Variants in HERPUD2 observed in about 807,000 individuals in gnomAD.
HERPUD2 encodes the protein homocysteine-responsive endoplasmic reticulum-resident ubiquitin-like domain member 2 protein.
A neutral mutation model predicts 49.9 loss-of-function variants in HERPUD2; 13 were observed. The ratio of observed to expected loss-of-function variants is 0.26; its 90% CI spans 0.17 to 0.41. The LOEUF is 0.41. Among genes scored for constraint, HERPUD2 ranks in the 10% least tolerant of loss-of-function variants. The pLI, the probability that HERPUD2 is intolerant of heterozygous loss-of-function variation, is 1.00. For missense variants in HERPUD2, 449 were observed against 492.2 expected (o/e 0.91, Z 0.83); for synonymous variants, 172 against 171.4 (o/e 1.00, Z -0.03).
intron 5 of HERPUD2, among the ~76,000 whole-genome samples, chr7:35,648,794 C>T (rs1785103320): frequency 6.6e-6 from 1 of 152,176 alleles, no homozygotes. Flanking sequence ...GAAAGAGCTG[C>T]ACCAGTGACT....
intron 2 of HERPUD2, among the ~76,000 whole-genome samples, chr7:35,687,510 G>C (rs1786088592): frequency 6.6e-6 from 1 of 152,220 alleles, no homozygotes; most frequent in Admixed American, 6.5e-5. Flanking sequence ...TGTACTCTGA[G>C]TGGCCCAGAA....
intron 5 of HERPUD2, among the ~76,000 whole-genome samples, chr7:35,660,238 T>TA (rs1189929702): frequency 1.3e-5 from 2 of 152,242 alleles, no homozygotes; most frequent in Non-Finnish European, 2.9e-5. Flanking sequence ...TAGTATTCCA[T>TA]GGTGTATATG....
intron 8 of HERPUD2, 48 bp from the exon 9 acceptor site, chr7:35,633,899 T>G: frequency 6.4e-7 from 1 of 1,554,446 alleles, no homozygotes; most frequent in Non-Finnish European, 8.8e-7. Context: ...TGAACGAGCA[T>G]TAGCTCATAA....
chr7:35,691,900 T>C (rs1032174815), intron 2 of HERPUD2, among the ~76,000 whole-genome samples: 5 of 145,820 alleles, frequency 3.4e-5, no homozygotes, highest in African/African-American at 1.4e-4. Context: ...GAATGTAAAC[T>C]TACTAAATCT....
chr7:35,654,226 A>G (rs1429689023), intron 5 of HERPUD2, among the ~76,000 whole-genome samples: 1 of 152,080 alleles, frequency 6.6e-6, no homozygotes, highest in African/African-American at 2.4e-5. Context: ...AGATCAGGAT[A>G]GACTGAAAAA....
At chr7:35,655,978 T>C (rs1347279646) in intron 5 of HERPUD2, among the ~76,000 whole-genome samples, 5 of 152,020 alleles carry the variant, frequency 3.3e-5, no homozygotes, top group Non-Finnish European at 7.4e-5. Context: ...CTGGCCATAA[T>C]GGTGAAACTC....
At chr7:35,639,535 T>C (rs892967812) in intron 5 of HERPUD2, among the ~76,000 whole-genome samples, 1 of 152,158 alleles carries the variant, frequency 6.6e-6, no homozygotes, top group Non-Finnish European at 1.5e-5. Context: ...AATGTGAGAT[T>C]TGTAGAAAAT....
At chr7:35,682,350 T>C (rs1785926289) in intron 2 of HERPUD2, among the ~76,000 whole-genome samples, 1 of 26,784 alleles carries the variant, frequency 3.7e-5, no homozygotes, top group Non-Finnish European at 8.8e-5. Flanking sequence ...TGTGTGTGTG[T>C]GTGTGTGTAT....
intron 2 of HERPUD2, among the ~76,000 whole-genome samples, chr7:35,692,286 G>T (rs1786210577): frequency 6.7e-6 from 1 of 149,546 alleles, no homozygotes. Flanking sequence ...AGGCAGACAG[G>T]CTTCCCACTC....
intron 5 of HERPUD2, among the ~76,000 whole-genome samples, chr7:35,659,740 A>T (rs6945707): frequency 0.1 from 15,803 of 152,126 alleles, 1,306 homozygotes; most frequent in South Asian, 0.21. Flanking sequence ...AATAAAATAT[A>T]ATTCATCTAG....
chr7:35,647,347 T>G (rs1316936260), intron 5 of HERPUD2, among the ~76,000 whole-genome samples: 1 of 152,088 alleles, frequency 6.6e-6, no homozygotes, highest in African/African-American at 2.4e-5. Context: ...CCAGGCTCCC[T>G]CAGCATTTTT....
chr7:35,694,336 C>T lies in HERPUD2; in HGVS notation c.-6G>A. On this transcript the variant is annotated 5_prime_UTR_variant, in exon 2 of 9. Coordinates refer to ENST00000311350, the MANE Select transcript of HERPUD2 (RefSeq NM_022373.5). ...TCCATCCCACTTTGGTCCATGGTGC[C>T]CCCAAAGTCAGACAGAGTCCAGAGG... 2 of 1,614,102 alleles carry T rather than the reference C, an allele frequency of 1.2e-6. No individual in the cohort carries two copies. The highest frequency in any genetic ancestry group is 1.7e-6 in the Non-Finnish European group (2 of 1,179,982).
chr7:35,653,749 C>T (rs1583547887), intron 5 of HERPUD2, among the ~76,000 whole-genome samples: 1 of 152,040 alleles, frequency 6.6e-6, no homozygotes. Context: ...AAATCAGTAA[C>T]AAGAGAAACT....
chr7:35,694,051 C>T (rs1786257079), intron 2 of HERPUD2, 133 bp downstream of exon 2: 1 of 864,188 alleles, frequency 1.2e-6, no homozygotes. Flanking sequence ...AACCTCAGAA[C>T]TCAAAATACC....
At chr7:35,690,613 C>T (rs2116056578) in intron 2 of HERPUD2, among the ~76,000 whole-genome samples, 1 of 152,186 alleles carries the variant, frequency 6.6e-6, no homozygotes, top group East Asian at 1.9e-4. Context: ...ACTTTGATAC[C>T]AGCCTGACCA....
At chr7:35,673,524 C>T (rs1583562235) in intron 2 of HERPUD2, among the ~76,000 whole-genome samples, 2 of 151,940 alleles carry the variant, frequency 1.3e-5, no homozygotes, top group African/African-American at 4.8e-5. Flanking sequence ...CATTTAAAAA[C>T]CTGAGGAGGG....
intron 5 of HERPUD2, among the ~76,000 whole-genome samples, chr7:35,662,088 CTGT>C (rs1785437175): frequency 6.6e-6 from 1 of 152,086 alleles, no homozygotes; most frequent in Non-Finnish European, 1.5e-5. Flanking sequence ...GCATGAAGAG[CTGT>C]TGAATTTTGT....
At chr7:35,671,132 A>G (rs1358934260) in intron 3 of HERPUD2, among the ~76,000 whole-genome samples, 1 of 152,102 alleles carries the variant, frequency 6.6e-6, no homozygotes, top group African/African-American at 2.4e-5. Context: ...AAAGGGAAAC[A>G]AAGCTACTAG....
At position 35,633,433 on chromosome 7, in the gene HERPUD2, T is replaced by C. The variant is rs368799630; in HGVS notation, c.*257A>G. ...GTCTGTCCTGGTATACTACACATAA[T>C]TGAAATGAGTAACACCTGGAAGACC... On this transcript the variant is annotated 3_prime_UTR_variant, in exon 9 of 9. Coordinates refer to ENST00000311350, the MANE Select transcript of HERPUD2 (RefSeq NM_022373.5). The C allele has an allele frequency of 5.0e-5, 13 of 259,868 alleles. No individual in the cohort carries two copies. The highest frequency in any genetic ancestry group is 2.2e-4 in the South Asian group (3 of 13,648). 16.1% of individuals were successfully genotyped at this position (259,868 alleles called of 1,614,324 possible).
Sources: gnomAD v4.1 joint callset for allele counts (sites outside exome capture counted in the v4.1 genomes callset) on GRCh38, gnomAD v4.1.1 for gene constraint, MANE v1.5 for transcripts, NCBI Gene and HGNC (gene_info 2026-07-23, HGNC 2026-07-21) for gene names.